The following SEMA3E variants were observed in gnomAD, a reference collection of about 807,000 sequenced individuals.
SEMA3E encodes the protein semaphorin-3E.
SEMA3E carries 49 observed loss-of-function variants against 93.6 expected under a neutral mutation model. The observed-to-expected ratio is 0.52, with a 90% CI of 0.42 to 0.66. SEMA3E has a LOEUF of 0.66. Ranked by LOEUF, SEMA3E falls within the 30% of genes least tolerant of loss-of-function variation. The pLI is 0.00. For missense variants in SEMA3E, 906 were observed against 964.8 expected, an observed-to-expected ratio of 0.94 and a Z score of 0.81; for synonymous variants, 363 against 330.7, an observed-to-expected ratio of 1.10 and a Z score of -1.06.
chr7:83,488,848 T>C (rs1790321539), intron 2 of SEMA3E, among the ~76,000 whole-genome samples: 1 of 151,986 alleles, frequency 6.6e-6, no homozygotes, highest in Non-Finnish European at 1.5e-5. Context: ...TTGTACTACA[T>C]TGAGAGGAGT....
chr7:83,513,073 A>G (rs1790857073), intron 1 of SEMA3E, among the ~76,000 whole-genome samples: 1 of 152,182 alleles, frequency 6.6e-6, no homozygotes, highest in Admixed American at 6.5e-5. Context: ...ATTTATCGCA[A>G]TATTGATTTT....
At chr7:83,614,516 T>C (rs1191380904) in intron 1 of SEMA3E, among the ~76,000 whole-genome samples, 1 of 152,110 alleles carries the variant, frequency 6.6e-6, no homozygotes, top group Non-Finnish European at 1.5e-5. Context: ...ATAAGTGTGT[T>C]GCCAGTTATC....
intron 16 of SEMA3E, among the ~76,000 whole-genome samples, chr7:83,379,575 G>C (rs773612241): frequency 1.3e-5 from 2 of 151,572 alleles, no homozygotes; most frequent in Non-Finnish European, 1.5e-5. Flanking sequence ...TTAAATATGT[G>C]TTTTCCCCTT....
At position 83,479,326 on chromosome 7, in the gene SEMA3E, G is replaced by GA. The variant is rs1250247705; in HGVS notation, c.277-10025dup. 3.9e-5 allele frequency among the ~76,000 whole-genome samples: 6 copies of GA among 152,188 alleles called. No homozygotes were observed. In the East Asian group the frequency reaches 1.2e-3, roughly 29 times the overall value. On this transcript the variant is annotated intron_variant, in intron 2 of 16. Transcript: ENST00000643230. ...CCGAAACTTTCTTAGCATTTTATTT[G>GA]AACCTTTATTGTCTATTCAAATTGT...
intron 7 of SEMA3E, among the ~76,000 whole-genome samples, chr7:83,406,386 T>C (rs746189493): frequency 8.5e-5 from 13 of 152,110 alleles, no homozygotes; most frequent in Non-Finnish European, 1.8e-4. Flanking sequence ...ACTTTGTTCA[T>C]AAATAATTTG....
At chr7:83,500,106 T>TGCAGAAAAATACC (rs1271562056) in intron 1 of SEMA3E, among the ~76,000 whole-genome samples, 4 of 152,290 alleles carry the variant, frequency 2.6e-5, no homozygotes, top group African/African-American at 9.6e-5. Flanking sequence ...ATATATGAAC[T>TGCAGAAAAATACC]ACTGTGGTAT....
At chr7:83,380,529 T>A (rs1787756103) in intron 16 of SEMA3E, among the ~76,000 whole-genome samples, 1 of 151,954 alleles carries the variant, frequency 6.6e-6, no homozygotes, top group Non-Finnish European at 1.5e-5. Flanking sequence ...TAAGCTAACA[T>A]TATTCTCTCT....
chr7:83,372,155 C>T (rs2116897971), intron 16 of SEMA3E: 1 of 395,658 alleles, frequency 2.5e-6, no homozygotes, highest in Non-Finnish European at 4.5e-6. Flanking sequence ...CAGACATATC[C>T]AAAAGATATT....
At chr7:83,410,120 A>G (rs1011163523) in intron 5 of SEMA3E, among the ~76,000 whole-genome samples, 1 of 151,842 alleles carries the variant, frequency 6.6e-6, no homozygotes, top group Non-Finnish European at 1.5e-5. Context: ...TCTGTTCACA[A>G]AATCCTCTAT....
chr7:83,439,670 A>G (rs1789072625), intron 4 of SEMA3E, among the ~76,000 whole-genome samples: 1 of 152,180 alleles, frequency 6.6e-6, no homozygotes, highest in African/African-American at 2.4e-5. Context: ...GAAATGAGAA[A>G]ACTTGCTCTA....
chr7:83,648,404 A>G (rs1210779910), intron 1 of SEMA3E, 24 bp downstream of exon 1: 1 of 1,493,766 alleles, frequency 6.7e-7, no homozygotes, highest in Non-Finnish European at 9.3e-7. Context: ...TTTTTAAACA[A>G]AAGGATCTGG....
intron 4 of SEMA3E, among the ~76,000 whole-genome samples, 200 bp downstream of exon 4, chr7:83,466,282 G>A (rs193003645): frequency 2.2e-3 from 334 of 152,268 alleles, no homozygotes; most frequent in African/African-American, 7.7e-3. Flanking sequence ...TGAGTGCATA[G>A]CAAATTAATT....
At chr7:83,629,332 C>T (rs923312193) in intron 1 of SEMA3E, among the ~76,000 whole-genome samples, 54 of 152,300 alleles carry the variant, frequency 3.5e-4, no homozygotes, top group African/African-American at 1.3e-3. Flanking sequence ...AGAGCTCAAG[C>T]GCTGTGCTGG....
At chr7:83,539,855 C>CTGTGTGTGTGTGTGTGTGTG (rs59200828) in intron 1 of SEMA3E, among the ~76,000 whole-genome samples, 137 of 122,734 alleles carry the variant, frequency 1.1e-3, no homozygotes, top group East Asian at 1.9e-3. Context: ...TTTGTTGTTT[C>CTGTGTGTGTGTGTGTGTGTG]TGTGTGTGTG....
At chr7:83,373,829 T>C (rs1794781887) in intron 16 of SEMA3E, among the ~76,000 whole-genome samples, 1 of 152,056 alleles carries the variant, frequency 6.6e-6, no homozygotes. Context: ...GGAAAAAGCA[T>C]ATAAATGGGC....
At chr7:83,573,910 T>C (rs1048046747) in intron 1 of SEMA3E, among the ~76,000 whole-genome samples, 1 of 151,958 alleles carries the variant, frequency 6.6e-6, no homozygotes, top group African/African-American at 2.4e-5. Context: ...TTTAAAGCTC[T>C]AATTAATTTA....
chr7:83,503,679 G>T (rs992257163), intron 1 of SEMA3E, among the ~76,000 whole-genome samples: 37 of 152,134 alleles, frequency 2.4e-4, no homozygotes, highest in African/African-American at 8.4e-4. Flanking sequence ...TGTTCAGCAT[G>T]TTACTGTGAT....
chr7:83,555,125 T>C (rs59764974), intron 1 of SEMA3E, among the ~76,000 whole-genome samples: 17,950 of 152,174 alleles, frequency 0.12, 1,172 homozygotes, highest in East Asian at 0.2. Context: ...CATTAAGTAC[T>C]GCTTTTCTTA....
intron 1 of SEMA3E, among the ~76,000 whole-genome samples, chr7:83,518,658 A>G (rs1397778781): frequency 3.9e-5 from 6 of 152,186 alleles, no homozygotes; most frequent in Non-Finnish European, 8.8e-5. Flanking sequence ...CATTATTAAA[A>G]AGAGAGGTAA....
Sources: allele counts gnomAD v4.1 joint callset (sites outside exome capture counted in the v4.1 genomes callset), GRCh38; gene constraint gnomAD v4.1.1; transcripts MANE v1.5; gene names NCBI Gene and HGNC (gene_info 2026-07-23, HGNC 2026-07-21).